The following FRMD3 variants were observed in gnomAD, a reference collection of about 807,000 sequenced individuals.
FRMD3 encodes FERM domain-containing protein 3.
FRMD3 carries 33 observed loss-of-function variants against 70.2 expected under a neutral mutation model. The ratio of observed to expected loss-of-function variants is 0.47; its 90% CI spans 0.36 to 0.63. FRMD3 has a LOEUF of 0.63. Among genes scored for constraint, FRMD3 ranks in the 20% least tolerant of loss-of-function variants. The probability of loss-of-function intolerance (pLI) is 0.00; values close to 1 mark genes in which losing one functional copy is unlikely to be tolerated. For missense variants in FRMD3, 632 were observed against 711.4 expected (o/e 0.89, Z 1.27); for synonymous variants, 279 against 255.9 (o/e 1.09, Z -0.86).
rs141804730 is a variant in FRMD3 at position 83,517,140 on chromosome 9, T to C, written c.147+20945A>G. On this transcript the variant is annotated intron_variant, in intron 1 of 13. Coordinates refer to ENST00000304195, the MANE Select transcript of FRMD3 (RefSeq NM_174938.6). ...AAAATCAGAGCAGAACTGAAGGAGA[T>C]AGAGACATGAAAAACCCTTCAAAAA... 5.4e-3 allele frequency among the ~76,000 whole-genome samples: 817 copies of C among 151,854 alleles called. 11 individuals carry two copies. Among genetic ancestry groups the C allele is most frequent in the Middle Eastern group, 0.027 (8 of 294 alleles).
At chr9:83,502,152 A>T (rs1340919393) in intron 1 of FRMD3, among the ~76,000 whole-genome samples, 2 of 152,220 alleles carry the variant, frequency 1.3e-5, no homozygotes, top group Non-Finnish European at 2.9e-5. Context: ...CAAATACCTA[A>T]GCATGCGCCA....
chr9:83,559,363 C>T, the FRMD3 span, among the ~76,000 whole-genome samples: 1 of 152,204 alleles, frequency 6.6e-6, no homozygotes, highest in Admixed American at 6.5e-5. Context: ...AAGGTATGTA[C>T]ATTGTTTTTT....
intron 3 of FRMD3, among the ~76,000 whole-genome samples, chr9:83,365,786 G>A (rs1250683264): frequency 1.3e-5 from 2 of 152,230 alleles, no homozygotes; most frequent in Non-Finnish European, 2.9e-5. Context: ...TGTTTAGGCA[G>A]AGAGGAAGCC....
chr9:83,520,939 A>T (rs1345553438), intron 1 of FRMD3, among the ~76,000 whole-genome samples: 2 of 147,952 alleles, frequency 1.4e-5, no homozygotes, highest in Non-Finnish European at 3.0e-5. Context: ...AGCCTGGCCA[A>T]CATGGTGAAA....
At position 83,538,358 on chromosome 9, in the gene FRMD3, G is replaced by A. The variant is rs1829949641; in HGVS notation, c.-127C>T. 1.4e-5 allele frequency: 12 copies of A among 860,070 alleles called. 1 individual carries two copies. The South Asian group carries it at 3.9e-4, about 28-fold the overall frequency. 53.3% of individuals were successfully genotyped at this position (860,070 alleles called of 1,614,324 possible). The stretch of plus-strand genomic sequence containing the variant: ...GGCTCAGCCCCGGGACATCGGCAGC[G>A]TCGGGCGCCTGCGGACACACATGCC... On this transcript the variant is annotated 5_prime_UTR_variant, in exon 1 of 14. In the 5' UTR this introduces an upstream ATG that the reference lacks. Transcript: ENST00000304195. This position sits in a 1 kb window ranked among gnomAD's most constrained non-coding sequence, Gnocchi z 4.7.
intron 10 of FRMD3, among the ~76,000 whole-genome samples, chr9:83,305,311 C>G (rs1023099066): frequency 1.3e-5 from 2 of 152,318 alleles, no homozygotes; most frequent in African/African-American, 2.4e-5. Context: ...ATACTCTCAT[C>G]ATTAGCAGAG....
chr9:83,528,442 G>A (rs966821159), intron 1 of FRMD3, among the ~76,000 whole-genome samples: 1 of 152,084 alleles, frequency 6.6e-6, no homozygotes, highest in Non-Finnish European at 1.5e-5. Context: ...AGGCAAAGAA[G>A]AAGCATATAA....
chr9:83,493,721 AC>A (rs760449485), intron 1 of FRMD3, among the ~76,000 whole-genome samples: 53 of 152,254 alleles, frequency 3.5e-4, no homozygotes, highest in Admixed American at 1.6e-3. Flanking sequence ...TGCTCACAGA[AC>A]CCCCATAAAC....
intron 1 of FRMD3, among the ~76,000 whole-genome samples, chr9:83,503,336 C>A (rs1025602182): frequency 6.6e-6 from 1 of 152,166 alleles, no homozygotes; most frequent in Non-Finnish European, 1.5e-5. Context: ...AAGCACAAGA[C>A]GGATTTCATG....
At chr9:83,368,235 T>C (rs949670984) in intron 3 of FRMD3, among the ~76,000 whole-genome samples, 2 of 152,232 alleles carry the variant, frequency 1.3e-5, no homozygotes, top group Non-Finnish European at 2.9e-5. Context: ...CCTGTCTATG[T>C]TTGTGGTCAT....
At chr9:83,522,373 G>A (rs763683188) in intron 1 of FRMD3, among the ~76,000 whole-genome samples, 22 of 152,048 alleles carry the variant, frequency 1.4e-4, no homozygotes, top group Non-Finnish European at 3.1e-4. Flanking sequence ...GAACAGGGGC[G>A]TAGAGAAGCC....
chr9:83,415,745 C>T (rs1826421887), intron 1 of FRMD3, among the ~76,000 whole-genome samples: 1 of 150,090 alleles, frequency 6.7e-6, no homozygotes, highest in Non-Finnish European at 1.5e-5. Flanking sequence ...CAGGCGTGAG[C>T]CACTGCGCCC....
intron 1 of FRMD3, among the ~76,000 whole-genome samples, chr9:83,456,842 T>C (rs1827831642): frequency 6.6e-6 from 1 of 152,060 alleles, no homozygotes; most frequent in Non-Finnish European, 1.5e-5. Flanking sequence ...TAGCTGGGCA[T>C]GGTGGCATAT....
At chr9:83,555,200 A>C in the FRMD3 span, among the ~76,000 whole-genome samples, 2 of 151,866 alleles carry the variant, frequency 1.3e-5, no homozygotes, top group Non-Finnish European at 2.9e-5. Flanking sequence ...AGACACTCCA[A>C]AGCCCAAAGG....
At chr9:83,510,441 G>A (rs1829313501) in intron 1 of FRMD3, among the ~76,000 whole-genome samples, 1 of 152,184 alleles carries the variant, frequency 6.6e-6, no homozygotes, top group Admixed American at 6.5e-5. Flanking sequence ...AGGTAACATG[G>A]TGCAGCTGCT....
chr9:83,416,786 T>TCC (rs1220396275), intron 1 of FRMD3, among the ~76,000 whole-genome samples: 3 of 58,282 alleles, frequency 5.1e-5, no homozygotes, highest in African/African-American at 1.9e-4. Context: ...TCTCTCTCTC[T>TCC]CACTCTCTCT....
chr9:83,496,126 G>C (rs1828936823), intron 1 of FRMD3, among the ~76,000 whole-genome samples: 1 of 152,174 alleles, frequency 6.6e-6, no homozygotes, highest in Non-Finnish European at 1.5e-5. Context: ...TCCACAAGAA[G>C]TATCTAAAAT....
intron 1 of FRMD3, among the ~76,000 whole-genome samples, chr9:83,535,804 A>T (rs1829880521): frequency 6.6e-6 from 1 of 152,120 alleles, no homozygotes; most frequent in Non-Finnish European, 1.5e-5. Flanking sequence ...CTATGGAGAG[A>T]GGGTGACATT....
At chr9:83,576,133 A>G in the FRMD3 span, among the ~76,000 whole-genome samples, 3 of 152,170 alleles carry the variant, frequency 2.0e-5, no homozygotes, top group Admixed American at 6.6e-5. Flanking sequence ...AGTTATAGAC[A>G]AAAAAATCCT....
Sources: gnomAD v4.1 joint callset for allele counts (sites outside exome capture counted in the v4.1 genomes callset) on GRCh38, gnomAD v4.1.1 for gene constraint, Gnocchi (gnomAD v3.1) non-coding constraint, MANE v1.5 for transcripts, NCBI Gene and HGNC (gene_info 2026-07-23, HGNC 2026-07-21) for gene names.